NAALADL2: variants seen among roughly 807,000 people sequenced by gnomAD.
NAALADL2 encodes inactive N-acetylated-alpha-linked acidic dipeptidase-like protein 2.
In NAALADL2, 76 loss-of-function variants were observed where a neutral mutation model predicts 87.2. That is an observed-to-expected ratio of 0.87 (90% CI 0.72 to 1.05). The LOEUF (loss-of-function observed/expected upper bound fraction) is 1.05, where lower values mean the gene tolerates loss of function less well. Among genes scored for constraint, NAALADL2 ranks in the 50% least tolerant of loss-of-function variants. NAALADL2 has a pLI of 0.00. For missense variants in NAALADL2, 1,089 were observed against 945.8 expected (o/e 1.15, Z -1.99); for synonymous variants, 354 against 331.0 (o/e 1.07, Z -0.75).
At chr3:174,955,831 G>T (rs1048347222) in intron 1 of NAALADL2, among the ~76,000 whole-genome samples, 3 of 152,108 alleles carry the variant, frequency 2.0e-5, no homozygotes, top group African/African-American at 7.2e-5. Context: ...ATTAGGCCTC[G>T]CTGGGGTGGG....
At chr3:175,360,810 C>CTGTGTGTGTG (rs746890254) in intron 5 of NAALADL2, among the ~76,000 whole-genome samples, 16 of 109,846 alleles carry the variant, frequency 1.5e-4, no homozygotes, top group Non-Finnish European at 2.6e-4. Context: ...TAATATTCCA[C>CTGTGTGTGTG]TGTGTGTGTG....
chr3:174,799,938 C>T (rs1718615046), intron 3 of NAALADL2, among the ~76,000 whole-genome samples: 1 of 152,150 alleles, frequency 6.6e-6, no homozygotes, highest in Non-Finnish European at 1.5e-5. Flanking sequence ...AGACTAGTGG[C>T]ATTTTGCCCC....
At chr3:175,151,461 T>A (rs1560094225) in intron 2 of NAALADL2, among the ~76,000 whole-genome samples, 1 of 152,184 alleles carries the variant, frequency 6.6e-6, no homozygotes, top group South Asian at 2.1e-4. Flanking sequence ...AACATCTGAT[T>A]TATTATCGTA....
intron 1 of NAALADL2, among the ~76,000 whole-genome samples, chr3:175,084,354 A>G (rs1457307744): frequency 6.6e-6 from 1 of 152,082 alleles, no homozygotes; most frequent in African/African-American, 2.4e-5. Context: ...AGTTGGGTCT[A>G]AAGGGTCGAG....
chr3:175,088,794 CCTCCTGGCAGATAGCTCTCAAAGAG>C (rs1183852165), intron 1 of NAALADL2, among the ~76,000 whole-genome samples: 1 of 152,136 alleles, frequency 6.6e-6, no homozygotes, highest in African/African-American at 2.4e-5. Context: ...CTATGAGGCT[CCTCCTGGCAGATAGCTCTCAAAGAG>C]CCAAGTGGTG....
intron 5 of NAALADL2, among the ~76,000 whole-genome samples, chr3:175,415,118 T>C (rs1403856421): frequency 6.6e-6 from 1 of 152,188 alleles, no homozygotes. Flanking sequence ...TATACACAGA[T>C]AGTTCTAATA....
rs1405829420 is a variant in NAALADL2 at position 174,526,672 on chromosome 3, CTTTTTCT to C, written c.-183-23891_-183-23885del. Among the ~76,000 whole-genome samples, 3 of 140,816 alleles carry C rather than the reference CTTTTTCT, an allele frequency of 2.1e-5. No individual in the cohort carries two copies. In the East Asian group the frequency reaches 6.7e-4, roughly 31 times the overall value. 92.4% of individuals were successfully genotyped at this position (140,816 alleles called of 152,430 possible). A position where few individuals can be genotyped will look rare whatever the true frequency, so the allele number is the denominator to read the frequency against. On this transcript the variant is annotated intron_variant, in intron 1 of 3. Coordinates refer to the NAALADL2 transcript ENST00000434257. ...ATTTGGTAACACTGAAATTGTTTTT[CTTTTTCT>C]TTTTTTTTTTTTTTGAGATGGAGTC...
chr3:175,168,042 A>T (rs1339664365), intron 2 of NAALADL2, among the ~76,000 whole-genome samples: 3 of 151,426 alleles, frequency 2.0e-5, no homozygotes, highest in Non-Finnish European at 4.4e-5. Context: ...CACTATTACA[A>T]TTTTTTTTCC....
intron 4 of NAALADL2, among the ~76,000 whole-genome samples, chr3:175,276,338 C>G (rs1040428976): frequency 3.5e-4 from 50 of 141,926 alleles, no homozygotes; most frequent in African/African-American, 1.1e-3. Context: ...CCTCGCTCTG[C>G]TGCTAGACTG....
chr3:175,803,243 A>G lies in NAALADL2; in HGVS notation c.*40A>G. 6.8e-7 allele frequency: 1 copy of G among 1,476,492 alleles called. No individual in the cohort carries two copies. Among genetic ancestry groups the G allele is most frequent in the Non-Finnish European group, 9.2e-7 (1 of 1,087,280 alleles). 91.5% of individuals were successfully genotyped at this position (1,476,492 alleles called of 1,614,324 possible). A position where few individuals can be genotyped will look rare whatever the true frequency, so the allele number is the denominator to read the frequency against. ...TTTTTAAAAGTTTGTTTACAATTCC[A>G]CAAGCAAAAGCTCTAATTTAACCAG... On this transcript the variant is annotated 3_prime_UTR_variant, in exon 14 of 14. Coordinates refer to ENST00000454872, the MANE Select transcript of NAALADL2 (RefSeq NM_207015.3).
Position 175,324,311 on chromosome 3 carries a change from G to T in NAALADL2, c.1076G>T (p.Gly359Val), listed in dbSNP as rs1323225935. The change falls in exon 5 of 14, where the codon GGT (glycine) becomes GTT (valine). Residue 359 changes from glycine (G) to valine (V), a missense_variant. Transcript: ENST00000454872. ...CCAGGAGGAGACCCTTCTACGCCTG[G>T]TTACCCAAGTGTCGGTAAGTTTGTT... ...LNPGGDPSTP[G>V]YPSVDESFRQ... 19 of 1,610,618 alleles carry T rather than the reference G, an allele frequency of 1.2e-5. No individual in the cohort carries two copies. Among genetic ancestry groups the T allele is most frequent in the Non-Finnish European group, 1.5e-5 (18 of 1,178,746 alleles).
At chr3:175,653,717 TAAC>T (rs1731085009) in intron 11 of NAALADL2, among the ~76,000 whole-genome samples, 1 of 152,206 alleles carries the variant, frequency 6.6e-6, no homozygotes, top group African/African-American at 2.4e-5. Context: ...CTTTTTTCTA[TAAC>T]AACAGTGGCA....
intron 2 of NAALADL2, among the ~76,000 whole-genome samples, chr3:174,667,018 T>C (rs1578478691): frequency 6.6e-6 from 1 of 152,286 alleles, no homozygotes; most frequent in East Asian, 1.9e-4. Context: ...GATGGCCTTC[T>C]TTCTTAAGGC....
At chr3:175,221,758 G>GTTATTTAT (rs58596469) in intron 2 of NAALADL2, among the ~76,000 whole-genome samples, 14,510 of 149,046 alleles carry the variant, frequency 0.097, 1,676 homozygotes, top group African/African-American at 0.28. Context: ...ATATTCAGTG[G>GTTATTTAT]TTATTTATTT....
At chr3:174,726,153 C>G (rs1382682505) in intron 2 of NAALADL2, among the ~76,000 whole-genome samples, 2 of 152,066 alleles carry the variant, frequency 1.3e-5, no homozygotes, top group African/African-American at 4.8e-5. Context: ...CAACCCTAAT[C>G]AGAAACTGTG....
At chr3:174,814,781 C>A (rs1398370483) in intron 3 of NAALADL2, among the ~76,000 whole-genome samples, 1 of 152,148 alleles carries the variant, frequency 6.6e-6, no homozygotes, top group Admixed American at 6.5e-5. Flanking sequence ...CATGGCCTTC[C>A]ATATAGCAGG....
At chr3:175,605,529 A>G (rs1054629280) in intron 10 of NAALADL2, among the ~76,000 whole-genome samples, 1 of 152,048 alleles carries the variant, frequency 6.6e-6, no homozygotes, top group African/African-American at 2.4e-5. Flanking sequence ...GAGGAAGGAA[A>G]AAGATAGGCT....
intron 2 of NAALADL2, among the ~76,000 whole-genome samples, chr3:175,105,315 T>C (rs539567155): frequency 4.1e-4 from 62 of 152,182 alleles, no homozygotes; most frequent in Admixed American, 1.4e-3. Flanking sequence ...AGTAAGTCTT[T>C]ACTGCCTGAG....
chr3:175,248,681 C>T (rs1748457026), intron 3 of NAALADL2, among the ~76,000 whole-genome samples: 1 of 152,128 alleles, frequency 6.6e-6, no homozygotes, highest in African/African-American at 2.4e-5. Context: ...GTGCTCAGAA[C>T]AGAAAGATTG....
Sources: gnomAD v4.1 joint callset for allele counts (sites outside exome capture counted in the v4.1 genomes callset) on GRCh38, gnomAD v4.1.1 for gene constraint, MANE v1.5 for transcripts, NCBI Gene and HGNC (gene_info 2026-07-23, HGNC 2026-07-21) for gene names.